The following ARHGAP39 variants were observed in gnomAD, a reference collection of about 807,000 sequenced individuals.
ARHGAP39 encodes the protein rho GTPase-activating protein 39.
Under a neutral mutation model 106.9 loss-of-function variants are expected in ARHGAP39, and 44 were observed. The observed-to-expected ratio is 0.41, with a 90% CI of 0.32 to 0.53. ARHGAP39 has a LOEUF of 0.53. Among genes scored for constraint, ARHGAP39 ranks in the 20% least tolerant of loss-of-function variants. The pLI is 0.21. For synonymous variants in ARHGAP39, 768 were observed against 693.2 expected, an observed-to-expected ratio of 1.11 and a Z score of -1.69; for missense variants, 1,496 against 1,577.3, an observed-to-expected ratio of 0.95 and a Z score of 0.87.
rs1030922506 is a variant in ARHGAP39, at chr8:144,547,063, G to A, written c.1959+64C>T. ...GCCAGGTCTCCTGTGCCTGGCCCAC[G>A]GGGTCCACTCTGACTGGGCTGGCCC... On this transcript the variant is annotated intron_variant, in intron 5 of 11. Coordinates refer to ENST00000377307, the MANE Select transcript of ARHGAP39 (RefSeq NM_025251.3). The surrounding 1 kb of genome is among the most constrained non-coding windows in gnomAD (Gnocchi z 5.2). 3.4e-6 allele frequency: 5 copies of A among 1,472,862 alleles called. No individual in the cohort carries two copies. The South Asian group carries it at 4.3e-5, about 13-fold the overall frequency. 91.2% of individuals were successfully genotyped at this position (1,472,862 alleles called of 1,614,324 possible).
chr8:144,649,268 C>A (rs1457405558), intron 1 of ARHGAP39, among the ~76,000 whole-genome samples: 1 of 151,352 alleles, frequency 6.6e-6, no homozygotes, highest in Non-Finnish European at 1.5e-5. Flanking sequence ...CAGTGAAACC[C>A]CATCTCTACT....
chr8:144,593,629 C>A (rs1819489330), intron 2 of ARHGAP39, among the ~76,000 whole-genome samples: 1 of 152,000 alleles, frequency 6.6e-6, no homozygotes, highest in Non-Finnish European at 1.5e-5. Flanking sequence ...GAAAACACAG[C>A]CACAGGATGG....
chr8:144,628,827 GC>G (rs1223965941), intron 1 of ARHGAP39, among the ~76,000 whole-genome samples: 1 of 152,174 alleles, frequency 6.6e-6, no homozygotes, highest in Non-Finnish European at 1.5e-5. Flanking sequence ...GCTTCTCACT[GC>G]CCCACCCTGT....
At position 144,563,542 on chromosome 8, in the gene ARHGAP39, T is replaced by C. The variant is rs571030073; in HGVS notation, c.513-7899A>G. 3.9e-5 allele frequency among the ~76,000 whole-genome samples: 6 copies of C among 152,066 alleles called. No homozygotes were observed. The East Asian group carries it at 1.2e-3, about 29-fold the overall frequency. ...GGGCTCAGCCCTAAAATCCCAATGC[T>C]TTAGGGGGCTGAGTTAGGAGGATCA... On this transcript the variant is annotated intron_variant, in intron 3 of 11. Coordinates refer to ENST00000377307, the MANE Select transcript of ARHGAP39 (RefSeq NM_025251.3).
At chr8:144,599,359 C>A (rs1819753220) in intron 2 of ARHGAP39, among the ~76,000 whole-genome samples, 1 of 152,152 alleles carries the variant, frequency 6.6e-6, no homozygotes. Context: ...GCAGTGATGT[C>A]TAGGGGATGT....
At chr8:144,693,588 T>C in the ARHGAP39 span, among the ~76,000 whole-genome samples, 1 of 151,340 alleles carries the variant, frequency 6.6e-6, no homozygotes, top group East Asian at 1.9e-4. Flanking sequence ...TTAGCCAGGA[T>C]CGTCTGGATC....
At chr8:144,582,940 C>A (rs962536329) in intron 2 of ARHGAP39, among the ~76,000 whole-genome samples, 25 of 152,172 alleles carry the variant, frequency 1.6e-4, no homozygotes, top group African/African-American at 6.0e-4. Context: ...CAACTCCCCC[C>A]AAACAAATGC....
chr8:144,602,296 C>G (rs1423073342), intron 2 of ARHGAP39, among the ~76,000 whole-genome samples: 1 of 125,958 alleles, frequency 7.9e-6, no homozygotes, highest in Non-Finnish European at 1.6e-5. Flanking sequence ...CGTGTGTGCT[C>G]GTGTACCTGT....
chr8:144,539,551 T>C (rs963239597), intron 6 of ARHGAP39, among the ~76,000 whole-genome samples: 3 of 152,258 alleles, frequency 2.0e-5, no homozygotes, highest in African/African-American at 7.2e-5. Context: ...TATATCTTGG[T>C]TTACGAGTGA....
chr8:144,640,708 G>A (rs1354569150), intron 1 of ARHGAP39, among the ~76,000 whole-genome samples: 1 of 152,170 alleles, frequency 6.6e-6, no homozygotes, highest in Non-Finnish European at 1.5e-5. Flanking sequence ...GTGTTTTCCC[G>A]ATAAATACCC....
At chr8:144,656,956 C>T (rs527752681) in intron 1 of ARHGAP39, among the ~76,000 whole-genome samples, 83 of 151,724 alleles carry the variant, frequency 5.5e-4, no homozygotes, top group Non-Finnish European at 7.4e-4. Flanking sequence ...AAATCACTCA[C>T]GAAGAAATAG....
In ARHGAP39 at chr8:144,537,840, C is replaced by A. The variant is rs201877215; in HGVS notation, c.2522-27G>T. 4.7e-5 allele frequency: 76 copies of A among 1,607,848 alleles called. No homozygotes were observed. The East Asian group carries it at 1.6e-3, about 34-fold the overall frequency. ...TGGGGAGCAAAGACAACCATCAGCA[C>A]GACAGAACAAAACGCCAGGAGCCAG... On this transcript the variant is annotated intron_variant, in intron 6 of 11. Coordinates refer to ENST00000377307, the MANE Select transcript of ARHGAP39 (RefSeq NM_025251.3).
At chr8:144,599,709 A>G (rs1449909947) in intron 2 of ARHGAP39, among the ~76,000 whole-genome samples, 1 of 152,246 alleles carries the variant, frequency 6.6e-6, no homozygotes, top group Non-Finnish European at 1.5e-5. Context: ...TGCCAGAACC[A>G]TAATGAAGAA....
intron 3 of ARHGAP39, among the ~76,000 whole-genome samples, chr8:144,560,895 A>C (rs1172378522): frequency 6.6e-6 from 1 of 152,258 alleles, no homozygotes; most frequent in Non-Finnish European, 1.5e-5. Context: ...GAATTACTTT[A>C]CAAAAATAAA....
rs542199711 is a variant in ARHGAP39, at chr8:144,670,282, G to A, written c.-82+15404C>T. On this transcript the variant is annotated intron_variant, in intron 1 of 11. Transcript: ENST00000377307. The surrounding 1 kb of genome is among the most constrained non-coding windows in gnomAD (Gnocchi z 4.4). The stretch of plus-strand genomic sequence containing the variant: ...CTGTAAAAAGCAACAGAGCTCGGAC[G>A]CGTGCTAGAGTGTACCGGGAAGCAG... 7.9e-5 allele frequency among the ~76,000 whole-genome samples: 12 copies of A among 152,258 alleles called. No homozygotes were observed. The East Asian group carries it at 9.7e-4, about 12-fold the overall frequency.
At chr8:144,606,101 CAG>C (rs1427696862) in intron 1 of ARHGAP39, among the ~76,000 whole-genome samples, 2 of 152,258 alleles carry the variant, frequency 1.3e-5, no homozygotes, top group Non-Finnish European at 2.9e-5. Context: ...ATCTGAGACT[CAG>C]TGTCCCCAGC....
chr8:144,560,743 GGTGAT>G (rs1564847961), intron 3 of ARHGAP39, among the ~76,000 whole-genome samples: 1 of 152,158 alleles, frequency 6.6e-6, no homozygotes, highest in African/African-American at 2.4e-5. Flanking sequence ...TTCCTGAGGC[GGTGAT>G]GCTATGGCTG....
At chr8:144,678,220 T>C (rs149116492) in intron 1 of ARHGAP39, among the ~76,000 whole-genome samples, 6 of 151,628 alleles carry the variant, frequency 4.0e-5, no homozygotes, top group African/African-American at 1.5e-4. Context: ...CACTGAGCTG[T>C]GATCATACCA....
chr8:144,553,975 C>T (rs1313308498), intron 4 of ARHGAP39, among the ~76,000 whole-genome samples: 3 of 152,260 alleles, frequency 2.0e-5, no homozygotes, highest in African/African-American at 7.2e-5. Flanking sequence ...AGAGGTGCAG[C>T]TGCTGGCCCT....
Sources: allele counts gnomAD v4.1 joint callset (sites outside exome capture counted in the v4.1 genomes callset), GRCh38; gene constraint gnomAD v4.1.1; non-coding constraint Gnocchi (gnomAD v3.1); transcripts MANE v1.5; gene names NCBI Gene and HGNC (gene_info 2026-07-23, HGNC 2026-07-21).